Variants in ADGRA1 observed in about 807,000 individuals in gnomAD.
The protein encoded by ADGRA1 is G-protein coupled receptor 123.
In ADGRA1, 12 loss-of-function variants were observed where a neutral mutation model predicts 21.3. The observed-to-expected ratio is 0.56, with a 90% CI of 0.36 to 0.91. The LOEUF (loss-of-function observed/expected upper bound fraction) is 0.91. ADGRA1 is among the 40% of genes least tolerant of loss of function. The pLI is 0.01. For missense variants in ADGRA1, 790 were observed against 805.6 expected (o/e 0.98, Z 0.23); for synonymous variants, 385 against 368.8 (o/e 1.04, Z -0.50).
intron 5 of ADGRA1, among the ~76,000 whole-genome samples, chr10:133,122,813 A>G (rs538964827): frequency 3.9e-3 from 549 of 142,276 alleles, no homozygotes; most frequent in Non-Finnish European, 6.5e-3. Flanking sequence ...AGGCACACGC[A>G]TCCCCAGGCA....
intron 5 of ADGRA1, among the ~76,000 whole-genome samples, chr10:133,105,736 G>A (rs1170871532): frequency 6.6e-6 from 1 of 152,198 alleles, no homozygotes; most frequent in Non-Finnish European, 1.5e-5. Context: ...AACTCTGCAG[G>A]GATTGGACTC....
At position 133,129,185 on chromosome 10, in the gene ADGRA1, A is replaced by G; in HGVS notation, c.1357A>G (p.Thr453Ala). Residue 453 changes from threonine (T) to alanine (A), a missense_variant, in exon 7 of 7, where the codon ACA (threonine) becomes GCA (alanine). Thr to Ala is a moderately conservative substitution (Grantham distance 58, BLOSUM62 0). Coordinates refer to ENST00000392607, the MANE Select transcript of ADGRA1 (RefSeq NM_001083909.3). ...GGATGGCAGCCCCCGCAGCTCGCGC[A>G]CAGACAGCCCCCCCAGCTCTCTGGA... ...SLDGSPRSSR[T>A]DSPPSSLDGP... 11 of 1,550,652 alleles carry G rather than the reference A, an allele frequency of 7.1e-6. No homozygotes were observed. Among genetic ancestry groups the G allele is most frequent in the Non-Finnish European group, 9.6e-6 (11 of 1,147,102 alleles).
chr10:133,126,315 T>C (rs1193708045), intron 5 of ADGRA1, among the ~76,000 whole-genome samples: 1 of 152,222 alleles, frequency 6.6e-6, no homozygotes, highest in East Asian at 1.9e-4. Context: ...TCTTGGGATA[T>C]AGAGTCTGGG....
intron 2 of ADGRA1, among the ~76,000 whole-genome samples, chr10:133,090,318 C>T (rs1036656286): frequency 3.9e-5 from 6 of 152,234 alleles, no homozygotes; most frequent in Non-Finnish European, 8.8e-5. Flanking sequence ...ACCACCTCCT[C>T]GGCCCGGGGC....
intron 5 of ADGRA1, among the ~76,000 whole-genome samples, chr10:133,123,650 A>C (rs1852318016): frequency 6.6e-6 from 1 of 152,080 alleles, no homozygotes. Flanking sequence ...GACAGTCGAG[A>C]GGCCGTAAGG....
rs183888615 is a variant in ADGRA1 at position 133,110,041 on chromosome 10, G to A, written c.401+7199G>A. On this transcript the variant is annotated intron_variant, in intron 5 of 6. Transcript: ENST00000392607. ...GAAGATACACTCAGGACTCAGCAGC[G>A]GCGGCGTTCCTGGGTGTGGTTTGTC... Among the ~76,000 whole-genome samples the A allele has an allele frequency of 3.6e-3, 551 of 152,326 alleles. 7 individuals are homozygous for A. Among genetic ancestry groups the A allele is most frequent in the African/African-American group, 0.013 (538 of 41,572 alleles).
intron 5 of ADGRA1, among the ~76,000 whole-genome samples, chr10:133,109,820 G>A (rs975939678): frequency 6.6e-5 from 10 of 152,232 alleles, no homozygotes; most frequent in African/African-American, 2.4e-4. Flanking sequence ...CAGCTGGGCT[G>A]GATGTGTCGA....
chr10:133,092,380 C>T (rs921942689), intron 2 of ADGRA1, among the ~76,000 whole-genome samples: 4 of 152,158 alleles, frequency 2.6e-5, no homozygotes, highest in African/African-American at 9.7e-5. Flanking sequence ...AGAAAGAAAG[C>T]GTCTATGATA....
At chr10:133,104,560 G>A (rs1049067303) in intron 5 of ADGRA1, among the ~76,000 whole-genome samples, 2 of 152,176 alleles carry the variant, frequency 1.3e-5, no homozygotes, top group South Asian at 2.1e-4. Flanking sequence ...CCATGGTGCC[G>A]AGGCGACTGC....
intron 2 of ADGRA1, chr10:133,095,719 G>A: frequency 6.3e-7 from 1 of 1,598,326 alleles, no homozygotes. Flanking sequence ...CGGACAAGAA[G>A]TGTGGCCTCA....
chr10:133,102,976 T>G, intron 5 of ADGRA1, 134 bp downstream of exon 5: 1 of 991,992 alleles, frequency 1.0e-6, no homozygotes, highest in East Asian at 2.7e-5. Context: ...GGAGGGTCAG[T>G]GTTCCCAGGG....
chr10:133,130,147 A>G lies in ADGRA1; in HGVS notation c.*636A>G, dbSNP rs1852488229. 2.0e-5 allele frequency: 3 copies of G among 152,596 alleles called. No homozygotes were observed. The highest frequency in any genetic ancestry group is 3.1e-3 in the Middle Eastern group (1 of 320). The allele number at this position is 152,596 out of a possible 1,614,324, so 9.5% of individuals were successfully genotyped here. The stretch of plus-strand genomic sequence containing the variant: ...ACAGGGCCCCTGCACACCTCTGCCC[A>G]CTCAGTGTGCCCTGTCAGCCCTGTC... On this transcript the variant is annotated 3_prime_UTR_variant, in exon 7 of 7. Transcript: ENST00000392607.
At position 133,093,742 on chromosome 10, in the gene ADGRA1, C is replaced by T. The variant is rs1291542250; in HGVS notation, c.4-3232C>T. On this transcript the variant is annotated intron_variant, in intron 2 of 6. Coordinates refer to ENST00000392607, the MANE Select transcript of ADGRA1 (RefSeq NM_001083909.3). ...CCTGGCTGCATTGCGAGCCGAGGGTCCAGGAACTCTGCTTCTGACTTGCTG... is the reference window on the plus strand; with the variant it reads ...CCTGGCTGCATTGCGAGCCGAGGGTTCAGGAACTCTGCTTCTGACTTGCTG... Among the ~76,000 whole-genome samples, 5 of 152,354 alleles carry T rather than the reference C, an allele frequency of 3.3e-5. No individual in the cohort carries two copies. In the East Asian group the frequency reaches 9.7e-4, roughly 29 times the overall value.
intron 5 of ADGRA1, among the ~76,000 whole-genome samples, chr10:133,121,838 T>G (rs1212792534): frequency 6.8e-6 from 1 of 146,894 alleles, no homozygotes; most frequent in African/African-American, 2.5e-5. Flanking sequence ...TGTGCATATA[T>G]GTGTGCCTGT....
chr10:133,125,327 T>G (rs1432420582), intron 5 of ADGRA1, among the ~76,000 whole-genome samples: 1 of 152,252 alleles, frequency 6.6e-6, no homozygotes, highest in East Asian at 1.9e-4. Flanking sequence ...TTTTACCACT[T>G]TAAGTGATTG....
chr10:133,128,532 C>A lies in ADGRA1; in HGVS notation c.704C>A (p.Pro235Gln). The A allele has an allele frequency of 1.3e-6, 2 of 1,548,718 alleles. No individual in the cohort carries two copies. The highest frequency in any genetic ancestry group is 1.7e-6 in the Non-Finnish European group (2 of 1,148,108). ...GGCCGTGGGATCCGGCCAGGCACCC[C>A]ACCCGCACACGATGCCCCCGGCGCC... ...EGGRGIRPGT[P>Q]PAHDAPGASV... Residue 235 changes from proline to glutamine, a missense_variant, in exon 7 of 7, where the codon CCA becomes CAA. Pro to Gln is a moderately conservative substitution (Grantham distance 76). This residue lies in a region of ADGRA1 where 382 missense variants were observed against 415.6 expected (regional missense o/e 0.92). Transcript: ENST00000392607.
intron 3 of ADGRA1, among the ~76,000 whole-genome samples, chr10:133,098,030 C>T (rs906207822): frequency 6.6e-6 from 1 of 152,186 alleles, no homozygotes; most frequent in Non-Finnish European, 1.5e-5. Flanking sequence ...ACATTTAGAC[C>T]AGAGTGGCTG....
chr10:133,124,414 G>GC (rs1564854538), intron 5 of ADGRA1, among the ~76,000 whole-genome samples: 1 of 152,164 alleles, frequency 6.6e-6, no homozygotes, highest in Non-Finnish European at 1.5e-5. Flanking sequence ...ATTCAGATCC[G>GC]CCCTCCCTTT....
At chr10:133,102,382 G>T in intron 4 of ADGRA1, 2 of 531,612 alleles carry the variant, frequency 3.8e-6, no homozygotes, top group Non-Finnish European at 7.3e-6. Flanking sequence ...CAGTGTCCGT[G>T]CCTGGGCCAC....
Sources: allele counts gnomAD v4.1 joint callset (sites outside exome capture counted in the v4.1 genomes callset), GRCh38; gene constraint gnomAD v4.1.1; regional missense constraint gnomAD v4.1.1; transcripts MANE v1.5; gene names NCBI Gene and HGNC (gene_info 2026-07-23, HGNC 2026-07-21).